The following KCND3 variants were observed in gnomAD, a reference collection of about 807,000 sequenced individuals.
The protein encoded by KCND3 is A-type voltage-gated potassium channel KCND3.
A neutral mutation model predicts 51.1 loss-of-function variants in KCND3; 9 were observed. The ratio of observed to expected loss-of-function variants is 0.18; its 90% CI spans 0.11 to 0.31. KCND3 has a LOEUF of 0.31. KCND3 is among the 10% of genes least tolerant of loss of function. The pLI is 1.00. For synonymous variants in KCND3, 349 were observed against 368.0 expected (o/e 0.95, Z 0.59); for missense variants, 526 against 903.8 (o/e 0.58, Z 5.36).
At chr1:111,956,390 AT>A (rs1205648797) in intron 2 of KCND3, among the ~76,000 whole-genome samples, 2 of 152,180 alleles carry the variant, frequency 1.3e-5, no homozygotes, top group Non-Finnish European at 2.9e-5. Context: ...CAGCTGATTA[AT>A]TTCCACTGAC....
chr1:111,968,780 C>T (rs1417670397), intron 2 of KCND3, among the ~76,000 whole-genome samples: 2 of 152,154 alleles, frequency 1.3e-5, no homozygotes, highest in African/African-American at 4.8e-5. Context: ...TTCCAGCTCT[C>T]TGCTGGCTGG....
At chr1:111,783,921 C>A (rs1402030749) in intron 3 of KCND3, among the ~76,000 whole-genome samples, 1 of 152,214 alleles carries the variant, frequency 6.6e-6, no homozygotes, top group Non-Finnish European at 1.5e-5. Context: ...TGCATGAATT[C>A]ATTTATATAA....
At position 111,982,592 on chromosome 1, in the gene KCND3, G is replaced by A. The variant is rs765265008; in HGVS notation, c.135C>T (p.Asn45=). The A allele has an allele frequency of 2.5e-6, 4 of 1,613,578 alleles. No individual in the cohort carries two copies. The highest frequency in any genetic ancestry group is 2.5e-6 in the Non-Finnish European group (3 of 1,179,700). ...NKRQDELIVL[N]VSGRRFQTWR... Reference sequence around the variant, plus strand: ...AGGTCTGGAACCTCCGCCCACTCACGTTGAGGACAATCAGCTCATCCTGCC... The same window carrying A: ...AGGTCTGGAACCTCCGCCCACTCACATTGAGGACAATCAGCTCATCCTGCC... Residue 45 remains asparagine, a synonymous_variant, in exon 2 of 8, where the codon AAC becomes AAT. Coordinates refer to ENST00000302127, the MANE Select transcript of KCND3 (RefSeq NM_001378969.1). This position sits in a 1 kb window ranked among gnomAD's most constrained non-coding sequence, Gnocchi z 8.5.
chr1:111,980,203 AGTGTGTGT>A (rs58988523), intron 2 of KCND3, among the ~76,000 whole-genome samples: 8 of 143,048 alleles, frequency 5.6e-5, no homozygotes, highest in South Asian at 4.7e-4. Flanking sequence ...CCATTTGAAG[AGTGTGTGT>A]GTGTGTGTGT....
At chr1:111,909,798 T>A (rs888604415) in intron 2 of KCND3, 9 of 152,234 alleles carry the variant, frequency 5.9e-5, no homozygotes, top group African/African-American at 2.2e-4. Flanking sequence ...CAGCCCTTTT[T>A]TCACCTTTAT....
chr1:111,809,818 G>A (rs754106587), intron 2 of KCND3, among the ~76,000 whole-genome samples: 3 of 152,116 alleles, frequency 2.0e-5, no homozygotes, highest in Non-Finnish European at 1.5e-5. Flanking sequence ...ACCAAGACAG[G>A]GTCCCCAACC....
chr1:111,817,883 T>C (rs957510052), intron 2 of KCND3, among the ~76,000 whole-genome samples: 7 of 152,250 alleles, frequency 4.6e-5, no homozygotes, highest in African/African-American at 1.7e-4. Flanking sequence ...GTGAAGAGCA[T>C]GCTCATAAGA....
intron 2 of KCND3, among the ~76,000 whole-genome samples, chr1:111,933,594 G>A (rs561748637): frequency 5.3e-5 from 8 of 152,306 alleles, no homozygotes; most frequent in Non-Finnish European, 4.4e-5. Context: ...GGCTCTAAAT[G>A]GAGCTGGAGA....
At position 111,775,699 on chromosome 1, in the gene KCND3, C is replaced by T. The variant is rs533203830; in HGVS notation, c.*378G>A. 16 of 313,772 alleles carry T rather than the reference C, an allele frequency of 5.1e-5. No homozygotes were observed. In the East Asian group the frequency reaches 9.8e-4, roughly 19 times the overall value. The allele number at this position is 313,772 out of a possible 1,614,324, so 19.4% of individuals were successfully genotyped here. The stretch of plus-strand genomic sequence containing the variant: ...GTGACAACTTGGCCTCTTTGCTGCT[C>T]TTGGTCTTGTATTTTCCTCACTGGG... On this transcript the variant is annotated 3_prime_UTR_variant, in exon 8 of 8. Coordinates refer to ENST00000302127, the MANE Select transcript of KCND3 (RefSeq NM_001378969.1).
At position 111,818,040 on chromosome 1, in the gene KCND3, GCACACACACACACA is replaced by G. The variant is rs59035556; in HGVS notation, c.1107-30948_1107-30935del. 1.3e-3 allele frequency among the ~76,000 whole-genome samples: 187 copies of G among 148,072 alleles called. 4 individuals carry two copies. The highest frequency in any genetic ancestry group is 1.5e-3 in the African/African-American group (60 of 40,054). On this transcript the variant is annotated intron_variant, in intron 2 of 7. Coordinates refer to ENST00000302127, the MANE Select transcript of KCND3 (RefSeq NM_001378969.1). ...GCTGTTCCCATAGGCACACGCGCGT[GCACACACACACACA>G]CACACACACACACACACACACACAG... is the stretch of plus-strand genomic sequence containing the variant.
chr1:111,861,788 T>C (rs1668349381), intron 2 of KCND3, among the ~76,000 whole-genome samples: 1 of 152,180 alleles, frequency 6.6e-6, no homozygotes, highest in Admixed American at 6.5e-5. Flanking sequence ...ACAGATTAGA[T>C]GGCAACTGAG....
At chr1:111,798,431 T>C (rs1465126378) in intron 2 of KCND3, among the ~76,000 whole-genome samples, 1 of 152,106 alleles carries the variant, frequency 6.6e-6, no homozygotes, top group Non-Finnish European at 1.5e-5. Context: ...GAGCACTTAC[T>C]CCTTTATGCC....
intron 2 of KCND3, among the ~76,000 whole-genome samples, chr1:111,978,977 G>T (rs1674795430): frequency 6.6e-6 from 1 of 152,154 alleles, no homozygotes; most frequent in African/African-American, 2.4e-5. Context: ...TAGGAAAGAG[G>T]GAAAGAAAAA....
At chr1:111,823,243 C>T (rs148094440) in intron 2 of KCND3, among the ~76,000 whole-genome samples, 4 of 152,286 alleles carry the variant, frequency 2.6e-5, no homozygotes, top group Admixed American at 1.3e-4. Context: ...ATCTCTAATT[C>T]TAAGCAGGCA....
chr1:111,879,210 C>T (rs1451321927), intron 2 of KCND3, among the ~76,000 whole-genome samples: 1 of 152,162 alleles, frequency 6.6e-6, no homozygotes, highest in Non-Finnish European at 1.5e-5. Context: ...TGAATAATAA[C>T]TCTCTTTCTC....
At chr1:111,876,592 G>T (rs1318704170) in intron 2 of KCND3, among the ~76,000 whole-genome samples, 1 of 152,254 alleles carries the variant, frequency 6.6e-6, no homozygotes, top group East Asian at 1.9e-4. Flanking sequence ...ATAAAACCAG[G>T]CAAGTTCAAT....
At position 111,893,278 on chromosome 1, in the gene KCND3, A is replaced by T. The variant is rs75887809; in HGVS notation, c.1106+88343T>A. Among the ~76,000 whole-genome samples, 22 of 152,268 alleles carry T rather than the reference A, an allele frequency of 1.4e-4. No individual in the cohort carries two copies. The East Asian group carries it at 3.9e-3, about 27-fold the overall frequency. On this transcript the variant is annotated intron_variant, in intron 2 of 7. Coordinates refer to ENST00000302127, the MANE Select transcript of KCND3 (RefSeq NM_001378969.1). Reference sequence around the variant, plus strand: ...GCTGGGCAGACAGCTGAGAGAGGGAATGTGGGGTCTGGGACACTTGACGGA... The same window carrying T: ...GCTGGGCAGACAGCTGAGAGAGGGATTGTGGGGTCTGGGACACTTGACGGA...
intron 2 of KCND3, among the ~76,000 whole-genome samples, chr1:111,885,925 C>G (rs1260512077): frequency 6.6e-6 from 1 of 152,162 alleles, no homozygotes; most frequent in Non-Finnish European, 1.5e-5. Flanking sequence ...CCTGCCTCGG[C>G]CTCCTAAAGT....
chr1:111,973,961 A>G (rs1187222411), intron 2 of KCND3, among the ~76,000 whole-genome samples: 1 of 152,106 alleles, frequency 6.6e-6, no homozygotes, highest in Non-Finnish European at 1.5e-5. Flanking sequence ...TATTAAAATG[A>G]TTTTTCTGAT....
Sources: gnomAD v4.1 joint callset for allele counts (sites outside exome capture counted in the v4.1 genomes callset) on GRCh38, gnomAD v4.1.1 for gene constraint, Gnocchi (gnomAD v3.1) non-coding constraint, MANE v1.5 for transcripts, NCBI Gene and HGNC (gene_info 2026-07-23, HGNC 2026-07-21) for gene names.